Variants in GTF2H4 observed in about 807,000 individuals in gnomAD.
The protein encoded by GTF2H4 is general transcription factor IIH subunit 4.
In GTF2H4, 49 loss-of-function variants were observed where a neutral mutation model predicts 62.2. That is an observed-to-expected ratio of 0.79 (90% CI 0.63 to 1.00). The LOEUF (loss-of-function observed/expected upper bound fraction) is 1.00. GTF2H4 is among the 50% of genes least tolerant of loss of function. The pLI is 0.00. For synonymous variants in GTF2H4, 189 were observed against 233.8 expected, an observed-to-expected ratio of 0.81 and a Z score of 1.75; for missense variants, 479 against 587.8, an observed-to-expected ratio of 0.81 and a Z score of 1.91.
rs1793616665 is a variant in GTF2H4, at chr6:30,908,306, A to T, written c.-101A>T. The T allele has an allele frequency of 1.3e-5, 2 of 153,196 alleles. No individual in the cohort carries two copies. The highest frequency in any genetic ancestry group is 4.8e-5 in the African/African-American group (2 of 41,436). 9.5% of individuals were successfully genotyped at this position (153,196 alleles called of 1,614,324 possible). A position where few individuals can be genotyped will look rare whatever the true frequency, so the allele number is the denominator to read the frequency against. ...CCCCATCTTTTCCTCGCATTTTTTC[A>T]CCATCTTTCCCTCAATCTCCAGGAG... On this transcript the variant is annotated 5_prime_UTR_variant, in exon 1 of 14. Transcript: ENST00000259895.
chr6:30,910,978 C>A lies in GTF2H4; in HGVS notation c.560+37C>A. 2 of 1,517,712 alleles carry A rather than the reference C, an allele frequency of 1.3e-6. No individual in the cohort carries two copies. Among genetic ancestry groups the A allele is most frequent in the Non-Finnish European group, 1.8e-6 (2 of 1,107,148 alleles). The allele number at this position is 1,517,712 out of a possible 1,614,324, so 94.0% of individuals were successfully genotyped here. A position where few individuals can be genotyped will look rare whatever the true frequency, so the allele number is the denominator to read the frequency against. On this transcript the variant is annotated intron_variant, in intron 6 of 13. Transcript: ENST00000259895. This position sits in a 1 kb window ranked among gnomAD's most constrained non-coding sequence, Gnocchi z 4.7. ...GGAGGTACAGCAGCTCTCTGCTGTG[C>A]CATCTCCTTGGGTCCCTAAGAAATG...
Position 30,912,420 on chromosome 6 carries a change from G to A in GTF2H4, c.1051G>A (p.Val351Met), listed in dbSNP as rs1410894946. 6.2e-7 allele frequency: 1 copy of A among 1,612,880 alleles called. No individual in the cohort carries two copies. The highest frequency in any genetic ancestry group is 8.5e-7 in the Non-Finnish European group (1 of 1,180,034). ...MVVAQVTRES[V>M]QQAIASGITA... ...GGTGGCGCAGGTGACCCGGGAGAGT[G>A]TGCAGCAGGCAATCGCCAGTGGCAT... The change falls in exon 11 of 14, where the codon GTG becomes ATG. Residue 351 changes from valine (V) to methionine (M), a missense_variant. By Grantham distance (21) the Val-to-Met change is conservative. Coordinates refer to ENST00000259895, the MANE Select transcript of GTF2H4 (RefSeq NM_001517.5). The surrounding 1 kb of genome is among the most constrained non-coding windows in gnomAD (Gnocchi z 4.8).
Position 30,910,604 on chromosome 6 carries a change from T to C in GTF2H4, c.375-61T>C. On this transcript the variant is annotated intron_variant, in intron 4 of 13. Transcript: ENST00000259895. The surrounding 1 kb of genome is among the most constrained non-coding windows in gnomAD (Gnocchi z 4.7). Reference sequence around the variant, plus strand: ...TCTCGGCCTCCCAAAGTACAGGGATTACAGGTGTGAGCCACTGCGCCTGGC... The same window carrying C: ...TCTCGGCCTCCCAAAGTACAGGGATCACAGGTGTGAGCCACTGCGCCTGGC... 8.3e-7 allele frequency: 1 copy of C among 1,198,138 alleles called. No individual in the cohort carries two copies. Among genetic ancestry groups the C allele is most frequent in the Non-Finnish European group, 1.2e-6 (1 of 804,624 alleles). 74.2% of individuals were successfully genotyped at this position (1,198,138 alleles called of 1,614,324 possible).
Position 30,909,876 on chromosome 6 carries a change from A to T in GTF2H4, c.243-56A>T. 1 of 1,556,374 alleles carries T rather than the reference A, an allele frequency of 6.4e-7. No homozygotes were observed. Among genetic ancestry groups the T allele is most frequent in the Non-Finnish European group, 8.7e-7 (1 of 1,149,942 alleles). ...AGAACAGGCAGAGATGGTGGCTTTTATGGGCCTCCTTTTTGTTTTCCAAAT... is the reference window on the plus strand; with the variant it reads ...AGAACAGGCAGAGATGGTGGCTTTTTTGGGCCTCCTTTTTGTTTTCCAAAT... On this transcript the variant is annotated intron_variant, in intron 3 of 13. Transcript: ENST00000259895. The surrounding 1 kb of genome is among the most constrained non-coding windows in gnomAD (Gnocchi z 4.3).
chr6:30,913,757 C>A lies in GTF2H4; in HGVS notation c.1217-54C>A. ...CTGGGGGGATTCCCAATAGGAGCTC[C>A]GAGCTTCACTTTCTCGTCTTCTCCC... is the stretch of plus-strand genomic sequence containing the variant. On this transcript the variant is annotated intron_variant, in intron 13 of 13. Coordinates refer to ENST00000259895, the MANE Select transcript of GTF2H4 (RefSeq NM_001517.5). The surrounding 1 kb of genome is among the most constrained non-coding windows in gnomAD (Gnocchi z 4.2). 6.8e-7 allele frequency: 1 copy of A among 1,464,000 alleles called. No homozygotes were observed. The highest frequency in any genetic ancestry group is 9.1e-7 in the Non-Finnish European group (1 of 1,097,280). 90.7% of individuals were successfully genotyped at this position (1,464,000 alleles called of 1,614,324 possible).
In GTF2H4 at chr6:30,910,726, C is replaced by T. The variant is rs1319069256; in HGVS notation, c.436C>T (p.Pro146Ser). Residue 146 changes from proline to serine, a missense_variant, in exon 5 of 14, where the codon CCC becomes TCC. Coordinates refer to ENST00000259895, the MANE Select transcript of GTF2H4 (RefSeq NM_001517.5). The surrounding 1 kb of genome is among the most constrained non-coding windows in gnomAD (Gnocchi z 4.7). ...LGPDKHARDV[P>S]SLDKYAEERW... Reference sequence around the variant, plus strand: ...ACCAGACAAGCATGCCCGGGACGTTCCCTCCCTTGACAAGTACGCCGAGGA... The same window carrying T: ...ACCAGACAAGCATGCCCGGGACGTTTCCTCCCTTGACAAGTACGCCGAGGA... 1.2e-6 allele frequency: 2 copies of T among 1,612,914 alleles called. No homozygotes were observed. The highest frequency in any genetic ancestry group is 1.7e-6 in the Non-Finnish European group (2 of 1,179,930).
chr6:30,913,137 C>A lies in GTF2H4; in HGVS notation c.1117C>A (p.His373Asn), dbSNP rs1793870448. The stretch of plus-strand genomic sequence containing the variant: ...AATCCATTTCCTAAGGACAAGAGCC[C>A]ACCCAGTGATGCTCAAACAGGTATA... ...QIIHFLRTRA[H>N]PVMLKQTPVL... Residue 373 changes from histidine to asparagine, a missense_variant, in exon 12 of 14, where the codon CAC (histidine) becomes AAC (asparagine). Transcript: ENST00000259895. This position sits in a 1 kb window ranked among gnomAD's most constrained non-coding sequence, Gnocchi z 4.2. 2.5e-6 allele frequency: 4 copies of A among 1,614,098 alleles called. No homozygotes were observed. In the East Asian group the frequency reaches 8.9e-5, roughly 36 times the overall value.
chr6:30,912,341 GATTGCCCTC>G lies in GTF2H4; in HGVS notation c.982_990del (p.Ile328_Leu330del). 1.9e-6 allele frequency: 3 copies of G among 1,613,014 alleles called. No individual in the cohort carries two copies. The highest frequency in any genetic ancestry group is 2.5e-6 in the Non-Finnish European group (3 of 1,180,038). On this transcript the variant is annotated inframe_deletion, in exon 11 of 14. Transcript: ENST00000259895. The surrounding 1 kb of genome is among the most constrained non-coding windows in gnomAD (Gnocchi z 4.8). ...TCCCTGGCTCAGAGTCGGAGCTGCA[GATTGCCCTC>G]ATTGCCCTCTTCTCTGAGATGCTCT...
chr6:30,912,475 G>C lies in GTF2H4; in HGVS notation c.1089+17G>C. 6.2e-7 allele frequency: 1 copy of C among 1,611,568 alleles called. No individual in the cohort carries two copies. Among genetic ancestry groups the C allele is most frequent in the Non-Finnish European group, 8.5e-7 (1 of 1,179,926 alleles). ...GCCCAGCAGGTATTCCCACTTGGGA[G>C]AGGTGGAGCAGGAAGACAGGCTGCA... is the stretch of plus-strand genomic sequence containing the variant. On this transcript the variant is annotated intron_variant, in intron 11 of 13. Coordinates refer to ENST00000259895, the MANE Select transcript of GTF2H4 (RefSeq NM_001517.5). This position sits in a 1 kb window ranked among gnomAD's most constrained non-coding sequence, Gnocchi z 4.8.
In GTF2H4 at chr6:30,909,261, CG is replaced by C; in HGVS notation, c.137+92del. ...AGGTAAAAGTGTAGCAGCCTGGAGT[CG>C]GGGTGGGGACTGGGGGCAAGGGTTG... On this transcript the variant is annotated intron_variant, in intron 2 of 13. Transcript: ENST00000259895. The surrounding 1 kb of genome is among the most constrained non-coding windows in gnomAD (Gnocchi z 4.3). 1 of 1,470,666 alleles carries C rather than the reference CG, an allele frequency of 6.8e-7. No individual in the cohort carries two copies. 91.1% of individuals were successfully genotyped at this position (1,470,666 alleles called of 1,614,324 possible).
rs1465659104 is a variant in GTF2H4 at position 30,913,672 on chromosome 6, T to C, written c.1217-139T>C. The C allele has an allele frequency of 1.1e-5, 9 of 784,854 alleles. No homozygotes were observed. The highest frequency in any genetic ancestry group is 1.8e-5 in the Non-Finnish European group (9 of 502,300). The allele number at this position is 784,854 out of a possible 1,614,324, so 48.6% of individuals were successfully genotyped here. A position where few individuals can be genotyped will look rare whatever the true frequency, so the allele number is the denominator to read the frequency against. On this transcript the variant is annotated intron_variant, in intron 13 of 13. Transcript: ENST00000259895. This position sits in a 1 kb window ranked among gnomAD's most constrained non-coding sequence, Gnocchi z 4.2. ...CCCTGAGCAGACAAGCATAGAGAAT[T>C]AGTTTGTAAAATTGCGGTGGGGGCA...
At position 30,913,314 on chromosome 6, in the gene GTF2H4, T is replaced by G; in HGVS notation, c.1143T>G (p.Pro381=). Residue 381 remains proline, a synonymous_variant, in exon 13 of 14, where the codon CCT becomes CCG. Transcript: ENST00000259895. The surrounding 1 kb of genome is among the most constrained non-coding windows in gnomAD (Gnocchi z 4.2). The part of the protein sequence containing the change: ...RAHPVMLKQT[P]VLPPTITDQI... ...TCAACCCTTGCTCCTTGCAGACACCTGTGCTGCCCCCCACCATCACCGACC... is the reference window on the plus strand; with the variant it reads ...TCAACCCTTGCTCCTTGCAGACACCGGTGCTGCCCCCCACCATCACCGACC... 1 of 1,613,684 alleles carries G rather than the reference T, an allele frequency of 6.2e-7. No homozygotes were observed. Among genetic ancestry groups the G allele is most frequent in the Non-Finnish European group, 8.5e-7 (1 of 1,179,960 alleles).
At position 30,910,951 on chromosome 6, in the gene GTF2H4, C is replaced by T. The variant is rs1468135976; in HGVS notation, c.560+10C>T. ...CTGGGCTCATGAAGAGGTGAGGAAG[C>T]CGGAGGTACAGCAGCTCTCTGCTGT... On this transcript the variant is annotated intron_variant, in intron 6 of 13. Transcript: ENST00000259895. This position sits in a 1 kb window ranked among gnomAD's most constrained non-coding sequence, Gnocchi z 4.7. The T allele has an allele frequency of 2.5e-6, 4 of 1,593,400 alleles. No homozygotes were observed. The highest frequency in any genetic ancestry group is 1.7e-5 in the Admixed American group (1 of 57,396).
chr6:30,913,033 T>G lies in GTF2H4; in HGVS notation c.1090-77T>G. The stretch of plus-strand genomic sequence containing the variant: ...TTTTTAGAATAAGCTGATGTTCCAG[T>G]GACATTAGGTGACAGCTCAGATGGC... On this transcript the variant is annotated intron_variant, in intron 11 of 13. Transcript: ENST00000259895. The surrounding 1 kb of genome is among the most constrained non-coding windows in gnomAD (Gnocchi z 4.2). The G allele has an allele frequency of 2.2e-6, 3 of 1,388,316 alleles. No individual in the cohort carries two copies. The highest frequency in any genetic ancestry group is 1.2e-5 in the South Asian group (1 of 84,486). The allele number at this position is 1,388,316 out of a possible 1,614,324, so 86.0% of individuals were successfully genotyped here. A position where few individuals can be genotyped will look rare whatever the true frequency, so the allele number is the denominator to read the frequency against.
At position 30,910,782 on chromosome 6, in the gene GTF2H4, G is replaced by A; in HGVS notation, c.471+21G>A. 6.2e-7 allele frequency: 1 copy of A among 1,605,856 alleles called. No homozygotes were observed. Among genetic ancestry groups the A allele is most frequent in the Non-Finnish European group, 8.5e-7 (1 of 1,173,736 alleles). On this transcript the variant is annotated intron_variant, in intron 5 of 13. Transcript: ENST00000259895. The surrounding 1 kb of genome is among the most constrained non-coding windows in gnomAD (Gnocchi z 4.7). Reference sequence around the variant, plus strand: ...GGGAGGTAAGCACTTGGGAGTGTGTGTGTCTCTGCTTGTGCTTCTACTTCC... The same window carrying A: ...GGGAGGTAAGCACTTGGGAGTGTGTATGTCTCTGCTTGTGCTTCTACTTCC...
rs761216067 is a variant in GTF2H4, at chr6:30,910,788, C to T, written c.471+27C>T. ...TAAGCACTTGGGAGTGTGTGTGTCT[C>T]TGCTTGTGCTTCTACTTCCCATGGC... On this transcript the variant is annotated intron_variant, in intron 5 of 13. Transcript: ENST00000259895. This position sits in a 1 kb window ranked among gnomAD's most constrained non-coding sequence, Gnocchi z 4.7. 1.9e-6 allele frequency: 3 copies of T among 1,603,542 alleles called. No homozygotes were observed. The highest frequency in any genetic ancestry group is 2.6e-6 in the Non-Finnish European group (3 of 1,171,700).
At chr6:30,908,930 G>A in intron 1 of GTF2H4, 104 bp from the exon 2 acceptor site, 2 of 1,271,742 alleles carry the variant, frequency 1.6e-6, no homozygotes, top group Non-Finnish European at 2.3e-6. Flanking sequence ...CACAGAAAAG[G>A]TGGGGTTATT....
At position 30,912,180 on chromosome 6, in the gene GTF2H4, G is replaced by A; in HGVS notation, c.958+34G>A. 3 of 1,611,694 alleles carry A rather than the reference G, an allele frequency of 1.9e-6. No homozygotes were observed. Among genetic ancestry groups the A allele is most frequent in the Non-Finnish European group, 2.5e-6 (3 of 1,179,110 alleles). ...GGACAGAGGGCCCCTGGAAGAGGAG[G>A]TTGGGGGTGAGGGAATGCCAGTTTA... On this transcript the variant is annotated intron_variant, in intron 10 of 13. Transcript: ENST00000259895. This position sits in a 1 kb window ranked among gnomAD's most constrained non-coding sequence, Gnocchi z 4.8.
rs761255428 is a variant in GTF2H4 at position 30,911,725 on chromosome 6, C to T, written c.783C>T (p.Phe261=). Residue 261 remains phenylalanine (F), a synonymous_variant, in exon 9 of 14, where the codon TTC becomes TTT. Transcript: ENST00000259895. The surrounding 1 kb of genome is among the most constrained non-coding windows in gnomAD (Gnocchi z 4.3). ...GTATGAGTGATTCTCTGTTGAACTT[C>T]CTGCAACATCTGCGTGAGTTTGGGC... The part of the protein sequence containing the change: ...VEGMSDSLLN[F]LQHLREFGLV... 1.2e-6 allele frequency: 2 copies of T among 1,612,982 alleles called. No homozygotes were observed. Among genetic ancestry groups the T allele is most frequent in the East Asian group, 4.5e-5 (2 of 44,888 alleles).
Sources: allele counts gnomAD v4.1 joint callset, GRCh38; gene constraint gnomAD v4.1.1; non-coding constraint Gnocchi (gnomAD v3.1); transcripts MANE v1.5; gene names NCBI Gene and HGNC (gene_info 2026-07-23, HGNC 2026-07-21).